EML1: variants seen among roughly 807,000 people sequenced by gnomAD.
The protein encoded by EML1 is EMAP like 1.
EML1 carries 27 observed loss-of-function variants against 110.4 expected under a neutral mutation model. That is an observed-to-expected ratio of 0.24 (90% CI 0.18 to 0.34). EML1 has a LOEUF of 0.34. Among genes scored for constraint, EML1 ranks in the 10% least tolerant of loss-of-function variants. The probability of loss-of-function intolerance (pLI) is 1.00; values close to 1 mark genes in which losing one functional copy is unlikely to be tolerated. For missense variants in EML1, 741 were observed against 1,030.9 expected (o/e 0.72, Z 3.85); for synonymous variants, 344 against 385.8 (o/e 0.89, Z 1.27).
chr14:99,833,824 A>ATGTCT (rs1290901220), intron 1 of EML1, among the ~76,000 whole-genome samples: 1 of 152,168 alleles, frequency 6.6e-6, no homozygotes, highest in Non-Finnish European at 1.5e-5. Flanking sequence ...ATTGATTTTT[A>ATGTCT]TGTCTTGATC....
intron 1 of EML1, among the ~76,000 whole-genome samples, chr14:99,797,521 G>A (rs942453715): frequency 1.3e-5 from 2 of 152,172 alleles, no homozygotes; most frequent in African/African-American, 4.8e-5. Context: ...TTAGGAACCA[G>A]TCTTAACTTT....
At chr14:99,765,677 TCA>T (rs2140193869) in intron 1 of EML1, among the ~76,000 whole-genome samples, 1 of 152,224 alleles carries the variant, frequency 6.6e-6, no homozygotes, top group African/African-American at 2.4e-5. Flanking sequence ...CAATGTGGGC[TCA>T]CTGCAACCTC....
At chr14:99,764,719 G>A (rs1156910725) in intron 1 of EML1, among the ~76,000 whole-genome samples, 1 of 152,176 alleles carries the variant, frequency 6.6e-6, no homozygotes, top group Non-Finnish European at 1.5e-5. Context: ...GAAGCAGCAG[G>A]GTGGGCTCCA....
At chr14:99,879,249 C>T (rs758995094) in intron 4 of EML1, among the ~76,000 whole-genome samples, 2 of 152,084 alleles carry the variant, frequency 1.3e-5, no homozygotes, top group Non-Finnish European at 2.9e-5. Context: ...GGCATTTTAG[C>T]AGCTTGTTTT....
intron 1 of EML1, among the ~76,000 whole-genome samples, chr14:99,739,579 T>C (rs903965098): frequency 6.6e-5 from 10 of 152,120 alleles, no homozygotes; most frequent in Non-Finnish European, 1.3e-4. Context: ...CTGTCTGCCC[T>C]GGTGGGCAGG....
intron 1 of EML1, among the ~76,000 whole-genome samples, chr14:99,815,727 C>T (rs1475517523): frequency 6.6e-6 from 1 of 152,100 alleles, no homozygotes; most frequent in East Asian, 1.9e-4. Context: ...TTCTGAGTTA[C>T]TCTTTGTTGG....
At chr14:99,849,111 C>T (rs1182527305) in intron 1 of EML1, among the ~76,000 whole-genome samples, 1 of 151,984 alleles carries the variant, frequency 6.6e-6, no homozygotes, top group African/African-American at 2.4e-5. Flanking sequence ...TATAATTTTT[C>T]TTTAGCCTGA....
intron 1 of EML1, among the ~76,000 whole-genome samples, chr14:99,745,459 CAG>C (rs1427839329): frequency 6.6e-6 from 1 of 152,190 alleles, no homozygotes; most frequent in African/African-American, 2.4e-5. Context: ...TACAGTATAA[CAG>C]AGGGCTGTGG....
chr14:99,863,293 C>A (rs572125059), intron 2 of EML1, among the ~76,000 whole-genome samples: 1 of 152,210 alleles, frequency 6.6e-6, no homozygotes, highest in Non-Finnish European at 1.5e-5. Context: ...TCCTGCCCCC[C>A]ACTACCTTCA....
chr14:99,836,287 A>G (rs769533379), intron 1 of EML1, among the ~76,000 whole-genome samples: 2 of 152,210 alleles, frequency 1.3e-5, no homozygotes, highest in Admixed American at 6.5e-5. Flanking sequence ...TTCTGGTACT[A>G]TTATAAATGC....
In EML1 at chr14:99,866,334, G is replaced by A. The variant is rs1369580026; in HGVS notation, c.383+688G>A. On this transcript the variant is annotated intron_variant, in intron 3 of 21. Coordinates refer to ENST00000262233, the MANE Select transcript of EML1 (RefSeq NM_004434.3). ...GCCTGTAATTCCAGCACTTTGGGAG[G>A]CCAAGGCGGGCAGATCATCTGTGGT... 2.6e-5 allele frequency among the ~76,000 whole-genome samples: 4 copies of A among 152,104 alleles called. No individual in the cohort carries two copies. The East Asian group carries it at 7.7e-4, about 29-fold the overall frequency.
chr14:99,756,641 T>C (rs573619058), intron 1 of EML1, among the ~76,000 whole-genome samples: 2 of 152,256 alleles, frequency 1.3e-5, no homozygotes, highest in African/African-American at 4.8e-5. Flanking sequence ...GCCCAGTGGT[T>C]CTCAAACGCT....
rs1383395851 is a variant in EML1 at position 99,880,876 on chromosome 14, G to A, written c.518+2257G>A. Among the ~76,000 whole-genome samples the A allele has an allele frequency of 2.6e-5, 4 of 152,204 alleles. No homozygotes were observed. The South Asian group carries it at 8.3e-4, about 31-fold the overall frequency. ...GCGTAGGGCTTGGCACTCAGTAAATGATCGTCATCCCTGTGATAGTTCTTA... is the reference window on the plus strand; with the variant it reads ...GCGTAGGGCTTGGCACTCAGTAAATAATCGTCATCCCTGTGATAGTTCTTA... On this transcript the variant is annotated intron_variant, in intron 4 of 21. Transcript: ENST00000262233.
chr14:99,754,361 T>G (rs1276501972), intron 1 of EML1, among the ~76,000 whole-genome samples: 1 of 152,168 alleles, frequency 6.6e-6, no homozygotes, highest in Non-Finnish European at 1.5e-5. Flanking sequence ...CCCTGCCCCC[T>G]GCCTCCCCCC....
At position 99,914,732 on chromosome 14, in the gene EML1, A is replaced by C. The variant is rs762013310; in HGVS notation, c.1752+35A>C. 6 of 1,578,766 alleles carry C rather than the reference A, an allele frequency of 3.8e-6. No homozygotes were observed. In the South Asian group the frequency reaches 4.7e-5, roughly 12 times the overall value. On this transcript the variant is annotated intron_variant, in intron 15 of 21. Transcript: ENST00000262233. ...CACATTACATTTCCATTTTTCTTAC[A>C]GAAATTCATCTGGAACATGTTTATT... is the stretch of plus-strand genomic sequence containing the variant.
rs115703133 is a variant in EML1 at position 99,849,917 on chromosome 14, G to A, written c.68-936G>A. Among the ~76,000 whole-genome samples the A allele has an allele frequency of 6.6e-3, 979 of 149,310 alleles. 16 individuals carry two copies. The highest frequency in any genetic ancestry group is 0.023 in the African/African-American group (936 of 40,818). ...ATTTATTTGTTTGTTTTGTTTTTGC[G>A]CCACTGCGCTCCAGCCTGGGCGACC... On this transcript the variant is annotated intron_variant, in intron 1 of 21. Coordinates refer to ENST00000262233, the MANE Select transcript of EML1 (RefSeq NM_004434.3).
At chr14:99,823,025 C>T (rs1323913176) in intron 1 of EML1, among the ~76,000 whole-genome samples, 1 of 152,090 alleles carries the variant, frequency 6.6e-6, no homozygotes, top group African/African-American at 2.4e-5. Flanking sequence ...AGTGTGGGTT[C>T]CAGCAAGCCT....
chr14:99,753,175 A>G (rs951314766), intron 1 of EML1, among the ~76,000 whole-genome samples: 1 of 46,316 alleles, frequency 2.2e-5, no homozygotes, highest in Non-Finnish European at 4.5e-5. Flanking sequence ...CGCAGCCCCC[A>G]CCCCCCTACC....
intron 6 of EML1, 74 bp downstream of exon 6, chr14:99,894,832 T>A (rs1296665624): frequency 6.7e-7 from 1 of 1,485,670 alleles, no homozygotes; most frequent in East Asian, 2.4e-5. Flanking sequence ...CTGTAGAAAT[T>A]CATAAAACTT....
Sources: gnomAD v4.1 joint callset for allele counts (sites outside exome capture counted in the v4.1 genomes callset) on GRCh38, gnomAD v4.1.1 for gene constraint, MANE v1.5 for transcripts, NCBI Gene and HGNC (gene_info 2026-07-23, HGNC 2026-07-21) for gene names.